The following SYNE2 variants were observed in gnomAD, a reference collection of about 807,000 sequenced individuals.
The protein encoded by SYNE2 is spectrin repeat containing nuclear envelope protein 2, also known as nesprin-2.
SYNE2 carries 431 observed loss-of-function variants against 856.3 expected under a neutral mutation model. That is an observed-to-expected ratio of 0.50 (90% CI 0.47 to 0.55). The LOEUF (loss-of-function observed/expected upper bound fraction) is 0.55. SYNE2 is among the 20% of genes least tolerant of loss of function. The probability of loss-of-function intolerance (pLI) is 0.00; values close to 1 mark genes in which losing one functional copy is unlikely to be tolerated. For missense variants in SYNE2, 8,129 were observed against 8,023.2 expected, an observed-to-expected ratio of 1.01 and a Z score of -0.50; for synonymous variants, 2,923 against 2,872.3, an observed-to-expected ratio of 1.02 and a Z score of -0.56.
chr14:64,110,138 T>C (rs966171228), intron 65 of SYNE2, among the ~76,000 whole-genome samples: 8 of 152,144 alleles, frequency 5.3e-5, no homozygotes, highest in Non-Finnish European at 1.0e-4. Context: ...TATGCAGGTA[T>C]AAGCAGTGGG....
At chr14:64,061,487 A>G (rs545396593) in intron 49 of SYNE2, among the ~76,000 whole-genome samples, 46 of 152,332 alleles carry the variant, frequency 3.0e-4, no homozygotes, top group Middle Eastern at 3.4e-3. Flanking sequence ...CCAGCAGCAT[A>G]TAAGTATTCC....
chr14:63,950,631 C>T (rs778257833), intron 7 of SYNE2, among the ~76,000 whole-genome samples: 3 of 152,192 alleles, frequency 2.0e-5, no homozygotes, highest in Non-Finnish European at 2.9e-5. Context: ...AGTTTAGAAA[C>T]GTAGCTCAAT....
intron 16 of SYNE2, 23 bp from the exon 17 acceptor site, chr14:63,982,607 T>C: frequency 1.2e-6 from 2 of 1,610,554 alleles, no homozygotes; most frequent in Non-Finnish European, 1.7e-6. Context: ...ATTAAGATAG[T>C]GTGTTGCTTG....
intron 6 of SYNE2, among the ~76,000 whole-genome samples, chr14:63,946,258 CAAAAAT>C (rs1007918762): frequency 4.6e-5 from 7 of 151,458 alleles, no homozygotes; most frequent in Admixed American, 1.3e-4. Context: ...CCCATCTCTG[CAAAAAT>C]AAAAATAAAA....
At position 64,167,236 on chromosome 14, in the gene SYNE2, C is replaced by A; in HGVS notation, c.16609C>A (p.His5537Asn). 1 of 1,614,178 alleles carries A rather than the reference C, an allele frequency of 6.2e-7. No homozygotes were observed. The highest frequency in any genetic ancestry group is 1.1e-5 in the South Asian group (1 of 91,074). The change falls in exon 91 of 116, where the codon CAT becomes AAT. Residue 5537 changes from histidine (H) to asparagine (N), a missense_variant. Physicochemically the swap from His to Asn is moderately conservative, Grantham distance 68. Coordinates refer to ENST00000555002, the MANE Select transcript of SYNE2 (RefSeq NM_182914.3). The part of the protein sequence containing the change: ...EKENPDSFLN[H>N]VLALTAQSPD... The stretch of plus-strand genomic sequence containing the variant: ...TACTTCAATTTTTTAAAAATAGAAT[C>A]ATGTGCTGGCACTGACAGCCCAATC...
At chr14:64,005,950 G>A (rs537803664) in intron 30 of SYNE2, among the ~76,000 whole-genome samples, 1 of 152,198 alleles carries the variant, frequency 6.6e-6, no homozygotes, top group Non-Finnish European at 1.5e-5. Flanking sequence ...GGCCAGTACA[G>A]TAGGATGAAA....
At position 64,140,043 on chromosome 14, in the gene SYNE2, T is replaced by C; in HGVS notation, c.14946T>C (p.Asp4982=). The C allele has an allele frequency of 6.2e-7, 1 of 1,613,972 alleles. No individual in the cohort carries two copies. Among genetic ancestry groups the C allele is most frequent in the Non-Finnish European group, 8.5e-7 (1 of 1,179,972 alleles). The change falls in exon 80 of 116, where the codon GAT becomes GAC. Residue 4982 remains aspartate, a synonymous_variant. Coordinates refer to ENST00000555002, the MANE Select transcript of SYNE2 (RefSeq NM_182914.3). The part of the protein sequence containing the change: ...EQSLNVSQDL[D]TIRSNINNFF... ...CCCTCAATGTGTCTCAGGACTTGGA[T>C]ACAATCAGAAGCAACATCAACAATT...
intron 1 of SYNE2, among the ~76,000 whole-genome samples, chr14:63,776,600 C>CT (rs35847392): frequency 0.022 from 2,958 of 133,424 alleles, 43 homozygotes; most frequent in Middle Eastern, 0.043. Flanking sequence ...TTCTTTCTTT[C>CT]TTTTTTTTTT....
intron 99 of SYNE2, among the ~76,000 whole-genome samples, chr14:64,198,797 C>T (rs2098550116): frequency 6.6e-6 from 1 of 152,178 alleles, no homozygotes; most frequent in Admixed American, 6.5e-5. Flanking sequence ...CTGGTCTTTA[C>T]CTCTTTTCTT....
intron 63 of SYNE2, 106 bp downstream of exon 63, chr14:64,098,927 A>G (rs778705434): frequency 1.8e-6 from 2 of 1,105,806 alleles, no homozygotes; most frequent in Non-Finnish European, 1.3e-6. Flanking sequence ...TTTAAAATTA[A>G]TGTTGATATT....
chr14:63,811,372 A>C (rs549857724), intron 1 of SYNE2, among the ~76,000 whole-genome samples: 1 of 151,708 alleles, frequency 6.6e-6, no homozygotes, highest in African/African-American at 2.4e-5. Context: ...CCCTCTGCCT[A>C]AGCCTCCTGA....
At chr14:64,026,933 A>AT (rs2096984847) in intron 42 of SYNE2, among the ~76,000 whole-genome samples, 1 of 152,236 alleles carries the variant, frequency 6.6e-6, no homozygotes, top group Non-Finnish European at 1.5e-5. Flanking sequence ...AGAATAATTA[A>AT]TGCTCTTAAA....
chr14:64,206,450 C>T (rs976536657), intron 100 of SYNE2, among the ~76,000 whole-genome samples: 1 of 151,396 alleles, frequency 6.6e-6, no homozygotes, highest in Admixed American at 6.6e-5. Flanking sequence ...TAGTCTATCA[C>T]TTTATTTATT....
chr14:63,988,652 G>C (rs1319844870), intron 19 of SYNE2, among the ~76,000 whole-genome samples: 1 of 152,164 alleles, frequency 6.6e-6, no homozygotes, highest in Non-Finnish European at 1.5e-5. Flanking sequence ...ATATACCTGA[G>C]ACTGGGCAAT....
intron 2 of SYNE2, among the ~76,000 whole-genome samples, chr14:63,915,530 A>G (rs1316637807): frequency 2.0e-5 from 3 of 152,196 alleles, no homozygotes; most frequent in African/African-American, 4.8e-5. Context: ...TGAACTAGGA[A>G]TGAGTGTGGA....
In SYNE2 at chr14:64,188,559, C is replaced by A. The variant is rs201147247; in HGVS notation, c.17722C>A (p.Arg5908Ser). The change falls in exon 98 of 116, where the codon CGT becomes AGT. Residue 5908 changes from arginine (R) to serine (S), a missense_variant. Physicochemically the swap from Arg to Ser is moderately radical, Grantham distance 110 (BLOSUM62 -1). This residue lies in a region of SYNE2 where 5,410 missense variants were observed against 5,284.8 expected (regional missense o/e 1.02). Coordinates refer to ENST00000555002, the MANE Select transcript of SYNE2 (RefSeq NM_182914.3). ...GTATTTTCATTTGCAGGTGGCCATA[C>A]GTAAACAGGAGATTGAAGACAGACT... The part of the protein sequence containing the change: ...WEDLCLRVAI[R>S]KQEIEDRLNT... The A allele has an allele frequency of 2.5e-6, 4 of 1,613,992 alleles. No homozygotes were observed. Among genetic ancestry groups the A allele is most frequent in the South Asian group, 2.2e-5 (2 of 91,068 alleles).
At chr14:63,947,222 C>T (rs1448059880) in intron 6 of SYNE2, among the ~76,000 whole-genome samples, 1 of 151,980 alleles carries the variant, frequency 6.6e-6, no homozygotes, top group Non-Finnish European at 1.5e-5. Context: ...AAATTTTGTC[C>T]AATAGGATTT....
At chr14:63,768,123 C>G (rs11850362) in intron 1 of SYNE2, among the ~76,000 whole-genome samples, 1 of 151,400 alleles carries the variant, frequency 6.6e-6, no homozygotes. Flanking sequence ...CCTAGGAGGT[C>G]GAGACTGCAG....
At position 64,065,837 on chromosome 14, in the gene SYNE2, A is replaced by G. The variant is rs185526122; in HGVS notation, c.10431+187A>G. Among the ~76,000 whole-genome samples the G allele has an allele frequency of 1.6e-4, 25 of 152,346 alleles. 1 individual carries two copies. In the East Asian group the frequency reaches 2.7e-3, roughly 16 times the overall value. On this transcript the variant is annotated intron_variant, in intron 51 of 115. Transcript: ENST00000555002. ...TAAGATAACCTGCAAGAACTTATTCAGATTATTTTATAGTAGTGCCTTTAT... is the reference window on the plus strand; with the variant it reads ...TAAGATAACCTGCAAGAACTTATTCGGATTATTTTATAGTAGTGCCTTTAT...
Sources: gnomAD v4.1 joint callset for allele counts (sites outside exome capture counted in the v4.1 genomes callset) on GRCh38, gnomAD v4.1.1 for gene constraint, gnomAD v4.1.1 regional missense constraint, MANE v1.5 for transcripts, NCBI Gene and HGNC (gene_info 2026-07-23, HGNC 2026-07-21) for gene names.